L3MBTL4: variants seen among roughly 807,000 people sequenced by gnomAD.
L3MBTL4 encodes lethal(3)malignant brain tumor-like protein 4.
Under a neutral mutation model 84.5 loss-of-function variants are expected in L3MBTL4, and 70 were observed. That is an observed-to-expected ratio of 0.83 (90% CI 0.68 to 1.01). The LOEUF (loss-of-function observed/expected upper bound fraction) is 1.01. Among genes scored for constraint, L3MBTL4 ranks in the 50% least tolerant of loss-of-function variants. The pLI, the probability that L3MBTL4 is intolerant of heterozygous loss-of-function variation, is 0.00. For missense variants in L3MBTL4, 715 were observed against 754.8 expected (o/e 0.95, Z 0.62); for synonymous variants, 274 against 259.8 (o/e 1.05, Z -0.52).
chr18:6,293,909 GGA>G (rs1418371435), intron 4 of L3MBTL4, among the ~76,000 whole-genome samples: 7 of 152,138 alleles, frequency 4.6e-5, no homozygotes, highest in Non-Finnish European at 1.0e-4. Flanking sequence ...TGAGGGGACG[GGA>G]GATACACAAC....
Position 6,043,600 on chromosome 18 carries a change from G to A in L3MBTL4, c.1444+37281C>T, listed in dbSNP as rs557950377. ...CCTATGCAATCTTCATTATAGCACTGCCACAGGTGCAGGTTGATGTCTTTC... is the reference window on the plus strand; with the variant it reads ...CCTATGCAATCTTCATTATAGCACTACCACAGGTGCAGGTTGATGTCTTTC... On this transcript the variant is annotated intron_variant, in intron 16 of 18. Coordinates refer to ENST00000317931, the MANE Select transcript of L3MBTL4 (RefSeq NM_001330559.2). 8.4e-4 allele frequency among the ~76,000 whole-genome samples: 128 copies of A among 152,230 alleles called. 1 individual carries two copies. Among genetic ancestry groups the A allele is most frequent in the African/African-American group, 2.8e-3 (118 of 41,548 alleles).
rs143207672 is a variant in L3MBTL4 at position 6,276,022 on chromosome 18, A to G, written c.128-11984T>C. 5.6e-3 allele frequency among the ~76,000 whole-genome samples: 846 copies of G among 152,322 alleles called. 2 individuals carry two copies. The highest frequency in any genetic ancestry group is 8.8e-3 in the Non-Finnish European group (596 of 68,036). On this transcript the variant is annotated intron_variant, in intron 4 of 18. Transcript: ENST00000317931. Reference sequence around the variant, plus strand: ...AATTCCTCGTGGACAAAGGACAGACAGAACTCAAAGTCATCCCTCTGCTCA... The same window carrying G: ...AATTCCTCGTGGACAAAGGACAGACGGAACTCAAAGTCATCCCTCTGCTCA...
chr18:6,035,311 G>A (rs2056073281), intron 16 of L3MBTL4, among the ~76,000 whole-genome samples: 1 of 152,200 alleles, frequency 6.6e-6, no homozygotes, highest in African/African-American at 2.4e-5. Flanking sequence ...AGTCCATCTT[G>A]AATTGAATTT....
chr18:6,031,743 A>G (rs2055812002), intron 16 of L3MBTL4: 1 of 985,292 alleles, frequency 1.0e-6, no homozygotes, highest in Non-Finnish European at 1.2e-6. Flanking sequence ...GCAAATGGAA[A>G]GTGCTGTCTC....
At chr18:5,985,099 T>G (rs2053408975) in intron 16 of L3MBTL4, among the ~76,000 whole-genome samples, 1 of 152,110 alleles carries the variant, frequency 6.6e-6, no homozygotes, top group Admixed American at 6.5e-5. Context: ...TGCTCTGAAA[T>G]GTAAGTAAAA....
chr18:6,049,638 A>T (rs1028254055), intron 16 of L3MBTL4, among the ~76,000 whole-genome samples: 4 of 152,218 alleles, frequency 2.6e-5, no homozygotes, highest in African/African-American at 9.6e-5. Context: ...TACTGCATGT[A>T]CGTGGTTATA....
At position 6,143,608 on chromosome 18, in the gene L3MBTL4, A is replaced by G. The variant is rs2060258547; in HGVS notation, c.1097-5312T>C. On this transcript the variant is annotated intron_variant, in intron 13 of 18. Coordinates refer to ENST00000317931, the MANE Select transcript of L3MBTL4 (RefSeq NM_001330559.2). ...TTTTTGCCAAGAATAGCTTACTATAATTTGGATATTTAGACAATTAGGTCT... is the reference window on the plus strand; with the variant it reads ...TTTTTGCCAAGAATAGCTTACTATAGTTTGGATATTTAGACAATTAGGTCT... Among the ~76,000 whole-genome samples the G allele has an allele frequency of 2.6e-5, 4 of 152,356 alleles. No individual in the cohort carries two copies. The South Asian group carries it at 6.2e-4, about 24-fold the overall frequency.
At chr18:6,374,062 A>G (rs72864886) in intron 1 of L3MBTL4, among the ~76,000 whole-genome samples, 1,908 of 152,308 alleles carry the variant, frequency 0.013, 23 homozygotes, top group Middle Eastern at 0.082. Flanking sequence ...CAAGTAAAAT[A>G]AAAGCCCTCC....
intron 16 of L3MBTL4, among the ~76,000 whole-genome samples, chr18:6,035,989 T>C (rs948430458): frequency 5.9e-5 from 9 of 152,216 alleles, no homozygotes; most frequent in African/African-American, 2.2e-4. Context: ...AATTCTTGGT[T>C]GACAGTATCT....
At chr18:6,125,877 CAAAG>C (rs1187638076) in intron 14 of L3MBTL4, among the ~76,000 whole-genome samples, 1 of 152,142 alleles carries the variant, frequency 6.6e-6, no homozygotes, top group Non-Finnish European at 1.5e-5. Flanking sequence ...TAATATGAGA[CAAAG>C]AAGTAGTCAA....
intron 1 of L3MBTL4, among the ~76,000 whole-genome samples, chr18:6,353,190 C>G (rs953921327): frequency 6.6e-6 from 1 of 151,606 alleles, no homozygotes; most frequent in Non-Finnish European, 1.5e-5. Context: ...TTGACACACT[C>G]ACAGTATGAT....
At chr18:5,988,383 T>G (rs1282341029) in intron 16 of L3MBTL4, among the ~76,000 whole-genome samples, 1 of 152,234 alleles carries the variant, frequency 6.6e-6, no homozygotes, top group Admixed American at 6.5e-5. Context: ...CTGTATGATA[T>G]ATTCAGATCT....
chr18:6,155,194 C>T (rs2043052512), intron 13 of L3MBTL4, among the ~76,000 whole-genome samples: 1 of 152,120 alleles, frequency 6.6e-6, no homozygotes, highest in Admixed American at 6.6e-5. Context: ...GCAGCTGTAT[C>T]CTCCTCTACA....
At chr18:6,390,183 C>T (rs1177795634) in intron 1 of L3MBTL4, among the ~76,000 whole-genome samples, 8 of 151,768 alleles carry the variant, frequency 5.3e-5, no homozygotes, top group Non-Finnish European at 8.8e-5. Context: ...TATACATATA[C>T]ACACACACAC....
In L3MBTL4 at chr18:6,240,006, A is replaced by T. The variant is rs1016992755; in HGVS notation, c.553-134T>A. On this transcript the variant is annotated intron_variant, in intron 8 of 18. Coordinates refer to ENST00000317931, the MANE Select transcript of L3MBTL4 (RefSeq NM_001330559.2). ...CAGCACTTAGCCTCTGGACAAAGCCATCAAATGCCTGTAAAAATATCCGGC... is the reference window on the plus strand; with the variant it reads ...CAGCACTTAGCCTCTGGACAAAGCCTTCAAATGCCTGTAAAAATATCCGGC... 29 of 746,572 alleles carry T rather than the reference A, an allele frequency of 3.9e-5. No individual in the cohort carries two copies. In the Admixed American group the frequency reaches 5.9e-4, roughly 15 times the overall value. 46.2% of individuals were successfully genotyped at this position (746,572 alleles called of 1,614,324 possible).
At chr18:6,242,922 CAA>C (rs1340363650) in intron 7 of L3MBTL4, among the ~76,000 whole-genome samples, 1 of 152,196 alleles carries the variant, frequency 6.6e-6, no homozygotes, top group Non-Finnish European at 1.5e-5. Context: ...TACAGTGAAT[CAA>C]GTTTCCTCAC....
rs149044839 is a variant in L3MBTL4, at chr18:6,238,260, G to A, written c.708-220C>T. On this transcript the variant is annotated intron_variant, in intron 9 of 18. Transcript: ENST00000317931. ...TTTAAAAGTATAAAATTGGCTGGGC[G>A]CGGTGGCTCACGCCTGTAATCCCAG... Among the ~76,000 whole-genome samples, 498 of 152,344 alleles carry A rather than the reference G, an allele frequency of 3.3e-3. 2 individuals carry two copies. The highest frequency in any genetic ancestry group is 0.011 in the African/African-American group (463 of 41,588).
chr18:6,343,672 A>G (rs1245176515), intron 1 of L3MBTL4, among the ~76,000 whole-genome samples: 1 of 151,850 alleles, frequency 6.6e-6, no homozygotes, highest in East Asian at 1.9e-4. Context: ...AAAAAAAAAA[A>G]AAAAAAGAAG....
At chr18:5,989,294 T>C (rs1378914278) in intron 16 of L3MBTL4, among the ~76,000 whole-genome samples, 1 of 152,176 alleles carries the variant, frequency 6.6e-6, no homozygotes, top group Admixed American at 6.5e-5. Flanking sequence ...AAACATGGCC[T>C]ACAAAATGCT....
Sources: gnomAD v4.1 joint callset for allele counts (sites outside exome capture counted in the v4.1 genomes callset) on GRCh38, gnomAD v4.1.1 for gene constraint, MANE v1.5 for transcripts, NCBI Gene and HGNC (gene_info 2026-07-23, HGNC 2026-07-21) for gene names.